The following LRMDA variants were observed in gnomAD, a reference collection of about 807,000 sequenced individuals.
LRMDA encodes the protein leucine-rich melanocyte differentiation-associated protein.
LRMDA carries 18 observed loss-of-function variants against 29.8 expected under a neutral mutation model. The observed-to-expected ratio is 0.60, with a 90% CI of 0.42 to 0.90. The LOEUF is 0.90. Ranked by LOEUF, LRMDA falls within the 40% of genes least tolerant of loss-of-function variation. The pLI is 0.00. For missense variants in LRMDA, 273 were observed against 273.9 expected (o/e 1.00, Z 0.02); for synonymous variants, 125 against 109.4 (o/e 1.14, Z -0.89).
chr10:76,191,498 G>A (rs1016049873), intron 5 of LRMDA, among the ~76,000 whole-genome samples: 8 of 152,178 alleles, frequency 5.3e-5, no homozygotes, highest in South Asian at 2.1e-4. Flanking sequence ...GCCCATGACT[G>A]CCTTAGATTA....
At chr10:75,804,689 G>T (rs1436722315) in intron 2 of LRMDA, among the ~76,000 whole-genome samples, 1 of 152,246 alleles carries the variant, frequency 6.6e-6, no homozygotes, top group African/African-American at 2.4e-5. Flanking sequence ...CTTGCTCTGG[G>T]AGGGGCTCAT....
intron 6 of LRMDA, among the ~76,000 whole-genome samples, chr10:76,451,107 A>G (rs1907353): frequency 0.99 from 151,567 of 152,332 alleles, 75,429 homozygotes; most frequent in Middle Eastern, 1. Flanking sequence ...CCTTGCTTCT[A>G]TGTCACTCTA....
intron 5 of LRMDA, among the ~76,000 whole-genome samples, chr10:76,225,523 A>G (rs1851936789): frequency 6.6e-6 from 1 of 151,952 alleles, no homozygotes; most frequent in Admixed American, 6.5e-5. Context: ...TTGGTAATGA[A>G]TGAGGTATTG....
intron 6 of LRMDA, among the ~76,000 whole-genome samples, chr10:76,550,113 C>T (rs2132394645): frequency 6.6e-6 from 1 of 152,104 alleles, no homozygotes; most frequent in South Asian, 2.1e-4. Flanking sequence ...GAATTGATCC[C>T]ATTGAAAATA....
At chr10:76,035,783 C>T (rs1284029527) in intron 2 of LRMDA, among the ~76,000 whole-genome samples, 1 of 152,212 alleles carries the variant, frequency 6.6e-6, no homozygotes, top group Non-Finnish European at 1.5e-5. Context: ...CCTCATCCTT[C>T]ATGTTGGCAA....
intron 2 of LRMDA, among the ~76,000 whole-genome samples, chr10:75,474,344 C>T (rs1367523176): frequency 6.6e-6 from 1 of 152,186 alleles, no homozygotes; most frequent in Non-Finnish European, 1.5e-5. Flanking sequence ...ACTTATTTCT[C>T]ACAGTGCTGA....
chr10:76,059,241 T>C (rs1848666171), intron 5 of LRMDA, among the ~76,000 whole-genome samples: 2 of 152,158 alleles, frequency 1.3e-5, no homozygotes, highest in Non-Finnish European at 2.9e-5. Context: ...CTCTGAGATA[T>C]CGTTAGTGTG....
At chr10:76,292,739 C>G (rs1303033084) in intron 5 of LRMDA, among the ~76,000 whole-genome samples, 5 of 151,740 alleles carry the variant, frequency 3.3e-5, no homozygotes, top group Admixed American at 3.3e-4. Flanking sequence ...GCTGATGTTA[C>G]ACAGGCCTGC....
intron 6 of LRMDA, among the ~76,000 whole-genome samples, chr10:76,364,049 A>T (rs1841360959): frequency 6.6e-6 from 1 of 152,176 alleles, no homozygotes; most frequent in African/African-American, 2.4e-5. Flanking sequence ...TTACTCCAAC[A>T]AAATTTTTCT....
At chr10:76,158,489 A>T (rs12245471) in intron 5 of LRMDA, among the ~76,000 whole-genome samples, 52,009 of 151,932 alleles carry the variant, frequency 0.34, 9,132 homozygotes, top group East Asian at 0.49. Flanking sequence ...TGATTTAGCT[A>T]GAGTAGAAAG....
chr10:76,262,086 T>A (rs1839950604), intron 5 of LRMDA, among the ~76,000 whole-genome samples: 1 of 151,880 alleles, frequency 6.6e-6, no homozygotes, highest in Non-Finnish European at 1.5e-5. Context: ...ATAATAATAA[T>A]AAATTAATCA....
intron 2 of LRMDA, among the ~76,000 whole-genome samples, chr10:75,730,520 A>C (rs936898756): frequency 6.6e-6 from 1 of 152,202 alleles, no homozygotes; most frequent in African/African-American, 2.4e-5. Flanking sequence ...ATATGAGACC[A>C]GACAAACAGG....
intron 2 of LRMDA, among the ~76,000 whole-genome samples, chr10:75,894,349 G>T (rs892324772): frequency 2.6e-5 from 4 of 152,174 alleles, no homozygotes; most frequent in South Asian, 2.1e-4. Context: ...CTCTGCAAAT[G>T]CCGTTAATTC....
At position 76,471,713 on chromosome 10, in the gene LRMDA, G is replaced by A. The variant is rs149323796; in HGVS notation, c.602-85496G>A. On this transcript the variant is annotated intron_variant, in intron 6 of 6. Coordinates refer to ENST00000611255, the MANE Select transcript of LRMDA (RefSeq NM_001305581.2). ...ATTCAAAGATACAGATAGTTTGAAA[G>A]TAAAAGAATTGAAAAGATGTATCAT... is the stretch of plus-strand genomic sequence containing the variant. Among the ~76,000 whole-genome samples the A allele has an allele frequency of 2.4e-3, 367 of 151,770 alleles. 2 individuals carry two copies. Among genetic ancestry groups the A allele is most frequent in the African/African-American group, 8.4e-3 (349 of 41,504 alleles).
chr10:76,091,529 C>G (rs1849231972), intron 5 of LRMDA, among the ~76,000 whole-genome samples: 1 of 152,040 alleles, frequency 6.6e-6, no homozygotes, highest in Non-Finnish European at 1.5e-5. Context: ...CATTGTATAC[C>G]TCACTTCTTG....
At chr10:75,687,331 A>G (rs1054176233) in intron 2 of LRMDA, among the ~76,000 whole-genome samples, 3 of 152,222 alleles carry the variant, frequency 2.0e-5, no homozygotes, top group Non-Finnish European at 4.4e-5. Context: ...ACTCCAGTGA[A>G]TACATGTATG....
At chr10:76,083,203 A>G (rs1022869229) in intron 5 of LRMDA, among the ~76,000 whole-genome samples, 2 of 152,312 alleles carry the variant, frequency 1.3e-5, no homozygotes, top group East Asian at 1.9e-4. Context: ...GAACAAATCC[A>G]GAGCCCCTGC....
At chr10:75,936,079 GT>G (rs1278530507) in intron 2 of LRMDA, among the ~76,000 whole-genome samples, 3 of 152,146 alleles carry the variant, frequency 2.0e-5, no homozygotes, top group Admixed American at 2.0e-4. Flanking sequence ...GCCTGGTTGA[GT>G]TTGGTAAGAT....
Position 75,752,457 on chromosome 10 carries a change from C to A in LRMDA, c.132-283551C>A, listed in dbSNP as rs546726642. 1.4e-4 allele frequency among the ~76,000 whole-genome samples: 21 copies of A among 152,304 alleles called. No individual in the cohort carries two copies. In the South Asian group the frequency reaches 4.4e-3, roughly 32 times the overall value. On this transcript the variant is annotated intron_variant, in intron 2 of 6. Coordinates refer to ENST00000611255, the MANE Select transcript of LRMDA (RefSeq NM_001305581.2). ...TGATCTCCTGACCTCTTGATCCACC[C>A]ACCTCAGATCCCAAAGTGCTGGGAT...
Sources: gnomAD v4.1 joint callset for allele counts (sites outside exome capture counted in the v4.1 genomes callset) on GRCh38, gnomAD v4.1.1 for gene constraint, MANE v1.5 for transcripts, NCBI Gene and HGNC (gene_info 2026-07-23, HGNC 2026-07-21) for gene names.